The following AP1S3 variants were observed in gnomAD, a reference collection of about 807,000 sequenced individuals.
AP1S3 encodes the protein AP-1 complex subunit sigma-3.
AP1S3 carries 10 observed loss-of-function variants against 20.9 expected under a neutral mutation model. The observed-to-expected ratio is 0.48, with a 90% CI of 0.29 to 0.81. The LOEUF (loss-of-function observed/expected upper bound fraction) is 0.81, where lower values mean the gene tolerates loss of function less well. Ranked by LOEUF, AP1S3 falls within the 30% of genes least tolerant of loss-of-function variation. The probability of loss-of-function intolerance (pLI) is 0.08; values close to 1 mark genes in which losing one functional copy is unlikely to be tolerated. For synonymous variants in AP1S3, 41 were observed against 61.5 expected, an observed-to-expected ratio of 0.67 and a Z score of 1.56; for missense variants, 154 against 183.8, an observed-to-expected ratio of 0.84 and a Z score of 0.94.
At position 223,755,326 on chromosome 2, in the gene AP1S3, T is replaced by C. The variant is rs560551383; in HGVS notation, c.*3389A>G. Among the ~76,000 whole-genome samples the C allele has an allele frequency of 6.6e-6, 1 of 152,248 alleles. No individual in the cohort carries two copies. The highest frequency in any genetic ancestry group is 1.5e-5 in the Non-Finnish European group (1 of 68,010). On this transcript the variant is annotated 3_prime_UTR_variant, in exon 5 of 5. Coordinates refer to ENST00000396654, the MANE Select transcript of AP1S3 (RefSeq NM_001039569.2). Reference sequence around the variant, plus strand: ...AGTGTATTCATGAAAACACACCAAGTTCCTCATTAAAACATGTTAAAACAT... The same window carrying C: ...AGTGTATTCATGAAAACACACCAAGCTCCTCATTAAAACATGTTAAAACAT...
At chr2:223,832,412 G>A (rs1251715397) in intron 1 of AP1S3, among the ~76,000 whole-genome samples, 1 of 152,038 alleles carries the variant, frequency 6.6e-6, no homozygotes. Flanking sequence ...TCCTGGTGAG[G>A]AGTAAATACA....
intron 1 of AP1S3, among the ~76,000 whole-genome samples, chr2:223,783,528 G>A (rs1439132856): frequency 6.6e-6 from 1 of 152,212 alleles, no homozygotes; most frequent in Non-Finnish European, 1.5e-5. Context: ...TCTTTCTGAA[G>A]CATGTTCTGG....
Position 223,823,065 on chromosome 2 carries a change from G to C in AP1S3, c.3+14383C>G, listed in dbSNP as rs1421964662. On this transcript the variant is annotated intron_variant, in intron 1 of 4. Coordinates refer to ENST00000396654, the MANE Select transcript of AP1S3 (RefSeq NM_001039569.2). ...AATACCACCTCACACCTGTTAGAAA[G>C]GCTACTATCAAAAAGATGAAAGATA... 3.3e-5 allele frequency among the ~76,000 whole-genome samples: 5 copies of C among 152,134 alleles called. No individual in the cohort carries two copies. In the East Asian group the frequency reaches 9.6e-4, roughly 29 times the overall value.
chr2:223,779,385 T>G (rs1212907479), intron 1 of AP1S3, among the ~76,000 whole-genome samples: 1 of 152,004 alleles, frequency 6.6e-6, no homozygotes, highest in African/African-American at 2.4e-5. Context: ...CTCTAAATTT[T>G]TAAAGGCTCT....
chr2:223,771,620 T>C (rs1690629471), intron 3 of AP1S3, among the ~76,000 whole-genome samples: 2 of 152,334 alleles, frequency 1.3e-5, no homozygotes, highest in African/African-American at 4.8e-5. Context: ...CTTAAGGTTC[T>C]TTTCTTACAG....
intron 1 of AP1S3, among the ~76,000 whole-genome samples, chr2:223,829,034 C>T (rs976807844): frequency 6.6e-6 from 1 of 151,858 alleles, no homozygotes; most frequent in African/African-American, 2.4e-5. Context: ...TGGGGCTTCA[C>T]CATCTTGGCC....
In AP1S3 at chr2:223,756,859, G is replaced by T. The variant is rs1013886403; in HGVS notation, c.*1856C>A. 3 of 985,306 alleles carry T rather than the reference G, an allele frequency of 3.0e-6. No individual in the cohort carries two copies. The highest frequency in any genetic ancestry group is 1.0e-3 in the Middle Eastern group (2 of 1,914). The allele number at this position is 985,306 out of a possible 1,614,324, so 61.0% of individuals were successfully genotyped here. ...ATCCAACAGGAAACACACTCTTCTA[G>T]GAAATCACTGGAGGTCCCAAACCAC... On this transcript the variant is annotated 3_prime_UTR_variant, in exon 5 of 5. Coordinates refer to ENST00000396654, the MANE Select transcript of AP1S3 (RefSeq NM_001039569.2).
At chr2:223,790,891 C>T (rs1288577073) in intron 1 of AP1S3, among the ~76,000 whole-genome samples, 1 of 152,082 alleles carries the variant, frequency 6.6e-6, no homozygotes, top group Non-Finnish European at 1.5e-5. Context: ...ACAAAAACAC[C>T]TCTATGCACA....
intron 1 of AP1S3, among the ~76,000 whole-genome samples, chr2:223,809,567 C>T (rs1167176508): frequency 7.9e-5 from 12 of 151,676 alleles, no homozygotes; most frequent in Admixed American, 6.6e-4. Context: ...TTGCTTGAAC[C>T]CGGGAAGTGG....
chr2:223,761,673 C>T (rs902766084), intron 4 of AP1S3, among the ~76,000 whole-genome samples: 4 of 152,142 alleles, frequency 2.6e-5, no homozygotes, highest in African/African-American at 7.2e-5. Context: ...GCGGTCCTTC[C>T]GCATCAGCCT....
intron 1 of AP1S3, among the ~76,000 whole-genome samples, chr2:223,802,932 C>T (rs964700938): frequency 1.4e-4 from 22 of 152,042 alleles, no homozygotes; most frequent in South Asian, 1.0e-3. Context: ...ATGGTAGAAC[C>T]AAAGTAAGAT....
At chr2:223,829,139 C>T (rs1692202494) in intron 1 of AP1S3, among the ~76,000 whole-genome samples, 1 of 152,122 alleles carries the variant, frequency 6.6e-6, no homozygotes, top group Non-Finnish European at 1.5e-5. Flanking sequence ...CAGCCAGGAC[C>T]CTGCATTTTC....
At chr2:223,765,680 G>A (rs183553035) in intron 3 of AP1S3, among the ~76,000 whole-genome samples, 193 of 152,190 alleles carry the variant, frequency 1.3e-3, no homozygotes, top group African/African-American at 4.5e-3. Context: ...CAGGAAGGAG[G>A]GCAGAGCTTT....
In AP1S3 at chr2:223,756,357, GAGA is replaced by G. The variant is rs2106070537; in HGVS notation, c.*2355_*2357del. 3.4e-5 allele frequency: 10 copies of G among 294,448 alleles called. No individual in the cohort carries two copies. The highest frequency in any genetic ancestry group is 2.0e-4 in the East Asian group (1 of 4,916). 18.2% of individuals were successfully genotyped at this position (294,448 alleles called of 1,614,324 possible). On this transcript the variant is annotated 3_prime_UTR_variant, in exon 5 of 5. Coordinates refer to ENST00000396654, the MANE Select transcript of AP1S3 (RefSeq NM_001039569.2). ...AGAAAAGAAAGAAAAGAAAAGAAAA[GAGA>G]AAAAGAAAGAAAGAAAGGAGGGAGG...
intron 1 of AP1S3, among the ~76,000 whole-genome samples, chr2:223,780,344 G>A (rs1440746085): frequency 2.3e-5 from 3 of 128,754 alleles, no homozygotes; most frequent in African/African-American, 9.5e-5. Flanking sequence ...GAGAGAGAGA[G>A]AGAGAGAGAG....
intron 4 of AP1S3, among the ~76,000 whole-genome samples, chr2:223,760,285 C>T (rs1690321941): frequency 6.6e-6 from 1 of 152,212 alleles, no homozygotes; most frequent in Non-Finnish European, 1.5e-5. Flanking sequence ...TAAGCTTAAA[C>T]TCCAGGGTAT....
chr2:223,823,588 G>C (rs759358241), intron 1 of AP1S3, among the ~76,000 whole-genome samples: 1 of 152,164 alleles, frequency 6.6e-6, no homozygotes, highest in African/African-American at 2.4e-5. Flanking sequence ...GAGCTGGGGG[G>C]ACAGAGAAGA....
intron 1 of AP1S3, among the ~76,000 whole-genome samples, chr2:223,833,650 G>A (rs930392593): frequency 1.3e-5 from 2 of 152,192 alleles, no homozygotes; most frequent in African/African-American, 4.8e-5. Flanking sequence ...GAAGCAGCAG[G>A]AAAGACAGGG....
Position 223,802,821 on chromosome 2 carries a change from T to G in AP1S3, c.4-24952A>C, listed in dbSNP as rs1691498796. Among the ~76,000 whole-genome samples the G allele has an allele frequency of 2.6e-5, 4 of 152,324 alleles. No individual in the cohort carries two copies. In the South Asian group the frequency reaches 8.3e-4, roughly 32 times the overall value. ...TCACAGTTCTCAAAAAAAATGTAAC[T>G]TTCTGGAAACTAAATAATCTGGGAA... On this transcript the variant is annotated intron_variant, in intron 1 of 4. Transcript: ENST00000396654.
Sources: allele counts gnomAD v4.1 joint callset (sites outside exome capture counted in the v4.1 genomes callset), GRCh38; gene constraint gnomAD v4.1.1; transcripts MANE v1.5; gene names NCBI Gene and HGNC (gene_info 2026-07-23, HGNC 2026-07-21).